The following CAGE1 variants were observed in gnomAD, a reference collection of about 807,000 sequenced individuals.
CAGE1 encodes the protein cancer antigen 1, also known as cancer-associated gene 1 protein.
In CAGE1, 66 loss-of-function variants were observed where a neutral mutation model predicts 94.9. The observed-to-expected ratio is 0.70, with a 90% CI of 0.57 to 0.85. The LOEUF (loss-of-function observed/expected upper bound fraction) is 0.85, where lower values mean the gene tolerates loss of function less well. Ranked by LOEUF, CAGE1 falls within the 40% of genes least tolerant of loss-of-function variation. CAGE1 has a pLI of 0.00. For missense variants in CAGE1, 865 were observed against 950.4 expected, an observed-to-expected ratio of 0.91 and a Z score of 1.18; for synonymous variants, 319 against 321.0, an observed-to-expected ratio of 0.99 and a Z score of 0.07.
intron 11 of CAGE1, among the ~76,000 whole-genome samples, chr6:7,351,550 T>TAAA (rs909106074): frequency 1.6e-5 from 2 of 126,786 alleles, no homozygotes; most frequent in African/African-American, 6.2e-5. Context: ...TAAAATAAAA[T>TAAA]AAGATCACAG....
chr6:7,347,432 AGGCCCTG>A (rs899608100), intron 11 of CAGE1: 3 of 146,344 alleles, frequency 2.0e-5, no homozygotes, highest in Non-Finnish European at 4.5e-5. Context: ...GCAGCGGGAA[AGGCCCTG>A]GGAGCTCGCT....
Position 7,356,138 on chromosome 6 carries a change from A to G in CAGE1, c.2194-9T>C, listed in dbSNP as rs753305939. Reference sequence around the variant, plus strand: ...TGTCCCAGTTTTGTGATCTATGGAGAAATATCAGTAAACATACTAATCTGG... The same window carrying G: ...TGTCCCAGTTTTGTGATCTATGGAGGAATATCAGTAAACATACTAATCTGG... On this transcript the variant is annotated splice_polypyrimidine_tract_variant and intron_variant, in intron 9 of 13. Transcript: ENST00000502583. 8 of 1,437,140 alleles carry G rather than the reference A, an allele frequency of 5.6e-6. No homozygotes were observed. The Admixed American group carries it at 1.2e-4, about 21-fold the overall frequency. The allele number at this position is 1,437,140 out of a possible 1,614,324, so 89.0% of individuals were successfully genotyped here.
chr6:7,330,116 G>A (rs148662392), intron 12 of CAGE1, among the ~76,000 whole-genome samples: 34 of 152,264 alleles, frequency 2.2e-4, no homozygotes, highest in African/African-American at 4.6e-4. Context: ...GGCAGGTTGC[G>A]GTGGCTCACA....
At chr6:7,345,260 G>A (rs558935553) in intron 11 of CAGE1, among the ~76,000 whole-genome samples, 13 of 152,232 alleles carry the variant, frequency 8.5e-5, no homozygotes, top group African/African-American at 1.7e-4. Flanking sequence ...CTCCAGACAC[G>A]CTACCTTAAG....
At position 7,373,909 on chromosome 6, in the gene CAGE1, C is replaced by T; in HGVS notation, c.910G>A (p.Ala304Thr). The change falls in exon 5 of 14, where the codon GCT becomes ACT. Residue 304 changes from alanine (A) to threonine (T), a missense_variant. Ala to Thr is a moderately conservative substitution (Grantham distance 58, BLOSUM62 0). Coordinates refer to ENST00000502583, the MANE Select transcript of CAGE1 (RefSeq NM_001170692.2). ...AATTTCTGCAAGACTTCATTTAAAG[C>T]CATGTCCTCTTGAACAGGTTGTAAG... Reference protein sequence around the residue: ...ESLQPVQEDMALNEVLQKLKH... With the variant: ...ESLQPVQEDMTLNEVLQKLKH... 6.2e-7 allele frequency: 1 copy of T among 1,613,986 alleles called. No individual in the cohort carries two copies. Among genetic ancestry groups the T allele is most frequent in the East Asian group, 2.2e-5 (1 of 44,880 alleles).
chr6:7,350,767 AAG>A (rs1759740933), intron 11 of CAGE1, among the ~76,000 whole-genome samples: 1 of 152,236 alleles, frequency 6.6e-6, no homozygotes, highest in Non-Finnish European at 1.5e-5. Flanking sequence ...AGGTGGCAAT[AAG>A]AGGAAAGTTT....
intron 11 of CAGE1, among the ~76,000 whole-genome samples, chr6:7,345,466 A>T (rs775056733): frequency 6.6e-6 from 1 of 152,238 alleles, no homozygotes; most frequent in Non-Finnish European, 1.5e-5. Context: ...AAGTAGCCCA[A>T]GTCCAGACAC....
chr6:7,345,014 A>G (rs1427663467), intron 11 of CAGE1, among the ~76,000 whole-genome samples: 2 of 152,204 alleles, frequency 1.3e-5, no homozygotes, highest in Non-Finnish European at 2.9e-5. Flanking sequence ...GGGGCCAGAT[A>G]AGAGAATAAA....
intron 4 of CAGE1, among the ~76,000 whole-genome samples, chr6:7,376,324 G>A (rs550575584): frequency 4.6e-5 from 7 of 152,136 alleles, no homozygotes; most frequent in Non-Finnish European, 1.0e-4. Flanking sequence ...GGGAGGCGGA[G>A]GTTGCAGTGA....
chr6:7,345,496 A>G (rs546140097), intron 11 of CAGE1, among the ~76,000 whole-genome samples: 34 of 152,194 alleles, frequency 2.2e-4, no homozygotes, highest in Non-Finnish European at 4.0e-4. Flanking sequence ...TACTCACATT[A>G]TATTTCAGCA....
At chr6:7,341,793 T>A (rs953028147) in intron 11 of CAGE1, 1 of 683,054 alleles carries the variant, frequency 1.5e-6, no homozygotes, top group Non-Finnish European at 2.8e-6. Context: ...AGCAGCCATT[T>A]AGAACAACCA....
At position 7,374,060 on chromosome 6, in the gene CAGE1, T is replaced by C. The variant is rs878939048; in HGVS notation, c.759A>G (p.Glu253=). ...IPEMSVSYEK[E]VTAEGVERPE... is the part of the protein sequence containing the mutation. ...GCCTCTCCACACCCTCTGCTGTGAC[T>C]TCCTTTTCATAACTGACTGACATCT... The change falls in exon 5 of 14, where the codon GAA becomes GAG. Residue 253 remains glutamate, a synonymous_variant. Transcript: ENST00000502583. 1.9e-6 allele frequency: 3 copies of C among 1,614,000 alleles called. No homozygotes were observed. Among genetic ancestry groups the C allele is most frequent in the South Asian group, 1.1e-5 (1 of 91,078 alleles).
chr6:7,351,230 C>A (rs1238054969), intron 11 of CAGE1, among the ~76,000 whole-genome samples: 1 of 152,036 alleles, frequency 6.6e-6, no homozygotes, highest in African/African-American at 2.4e-5. Context: ...AAAAATACAA[C>A]CTTCCTAGCT....
intron 9 of CAGE1, among the ~76,000 whole-genome samples, chr6:7,365,094 A>G (rs1017656820): frequency 1.3e-5 from 2 of 152,186 alleles, no homozygotes; most frequent in African/African-American, 4.8e-5. Context: ...TACCATCTAA[A>G]GTACATTATG....
At chr6:7,358,027 G>GATATATAGATATATAT (rs1554138206) in intron 9 of CAGE1, among the ~76,000 whole-genome samples, 1 of 48,076 alleles carries the variant, frequency 2.1e-5, no homozygotes, top group African/African-American at 5.9e-5. Flanking sequence ...TAAGTTTTGA[G>GATATATAGATATATAT]ATATATATAT....
chr6:7,335,029 C>T (rs1297371910), intron 11 of CAGE1, among the ~76,000 whole-genome samples: 1 of 152,206 alleles, frequency 6.6e-6, no homozygotes, highest in Non-Finnish European at 1.5e-5. Flanking sequence ...GAGAATCCTT[C>T]ACCTGGCCTC....
intron 11 of CAGE1, among the ~76,000 whole-genome samples, chr6:7,354,338 A>C (rs1255680313): frequency 6.6e-6 from 1 of 152,196 alleles, no homozygotes; most frequent in African/African-American, 2.4e-5. Flanking sequence ...GTTTGAAAAA[A>C]TGGAAAAACT....
intron 11 of CAGE1, among the ~76,000 whole-genome samples, chr6:7,352,736 A>T (rs1178973693): frequency 6.6e-6 from 1 of 152,176 alleles, no homozygotes; most frequent in Non-Finnish European, 1.5e-5. Context: ...CCAGAAATAA[A>T]TGCAAATACT....
At chr6:7,351,768 T>A (rs1489505732) in intron 11 of CAGE1, among the ~76,000 whole-genome samples, 1 of 151,946 alleles carries the variant, frequency 6.6e-6, no homozygotes, top group Non-Finnish European at 1.5e-5. Context: ...TAAAAAGGAT[T>A]TAAAACAAAA....
Sources: gnomAD v4.1 joint callset for allele counts (sites outside exome capture counted in the v4.1 genomes callset) on GRCh38, gnomAD v4.1.1 for gene constraint, MANE v1.5 for transcripts, NCBI Gene and HGNC (gene_info 2026-07-23, HGNC 2026-07-21) for gene names.